LINC00632: variants seen among roughly 807,000 people sequenced by gnomAD.
LINC00632 encodes the protein ALDOA related specific transcript.
At chrX:140,760,926 T>A (rs1454036491) in intron 3 of LINC00632, among the ~76,000 whole-genome samples, 1 of 111,943 alleles carries the variant, frequency 8.9e-6, no homozygotes, top group Non-Finnish European at 1.9e-5. Flanking sequence ...AGGCTGTTCA[T>A]AAAGTCTAGC....
exon 5 of LINC00632, among the ~76,000 whole-genome samples, chrX:140,777,871 C>G (rs1464131249): frequency 8.9e-6 from 1 of 112,047 alleles, no homozygotes; most frequent in Non-Finnish European, 1.9e-5. Context: ...TTGAGAATAT[C>G]TAAACTTTTT....
At chrX:140,771,671 A>T (rs1931798171) in intron 3 of LINC00632, among the ~76,000 whole-genome samples, 2 of 26,772 alleles carry the variant, frequency 7.5e-5, no homozygotes, top group Non-Finnish European at 1.3e-4. Context: ...GTGTGTATAT[A>T]TATATATATA....
At chrX:140,780,195 G>GATT (rs1376198716) in exon 5 of LINC00632, among the ~76,000 whole-genome samples, 2 of 111,437 alleles carry the variant, frequency 1.8e-5, no homozygotes, top group East Asian at 2.8e-4. Flanking sequence ...AAATTGTTGT[G>GATT]ATTATTATTA....
intron 3 of LINC00632, among the ~76,000 whole-genome samples, chrX:140,770,887 T>C (rs1347297779): frequency 8.9e-6 from 1 of 112,060 alleles, no homozygotes; most frequent in Non-Finnish European, 1.9e-5. Flanking sequence ...ACAAAATAGA[T>C]AGTAATTATT....
intron 3 of LINC00632, among the ~76,000 whole-genome samples, chrX:140,746,380 C>T (rs1026605290): frequency 2.7e-5 from 3 of 112,009 alleles, no homozygotes; most frequent in Admixed American, 1.9e-4. Context: ...CCCCTTTCCC[C>T]GTTCCTCTAG....
chrX:140,778,853 C>T (rs989526080), exon 5 of LINC00632, among the ~76,000 whole-genome samples: 2 of 110,644 alleles, frequency 1.8e-5, no homozygotes, highest in Middle Eastern at 4.7e-3. Flanking sequence ...TTATCTAGGG[C>T]CCAGGTCATT....
intron 2 of LINC00632, among the ~76,000 whole-genome samples, chrX:140,732,344 A>G (rs1931072637): frequency 8.9e-6 from 1 of 112,253 alleles, no homozygotes; most frequent in Non-Finnish European, 1.9e-5. Flanking sequence ...CCCACACAGA[A>G]ATACCGAAGC....
chrX:140,786,143 T>A (rs1270084348), exon 5 of LINC00632, among the ~76,000 whole-genome samples: 2 of 112,110 alleles, frequency 1.8e-5, no homozygotes, highest in Non-Finnish European at 3.8e-5. Context: ...AGATTTAAAA[T>A]CCTCTATGTG....
exon 5 of LINC00632, among the ~76,000 whole-genome samples, chrX:140,785,172 GAAT>G (rs1219067031): frequency 1.1e-5 from 1 of 87,178 alleles, no homozygotes; most frequent in Non-Finnish European, 2.2e-5. Context: ...CATGACCAAA[GAAT>G]AATAATAATA....
intron 3 of LINC00632, among the ~76,000 whole-genome samples, chrX:140,753,592 G>A (rs1466714376): frequency 1.8e-5 from 2 of 109,537 alleles, no homozygotes; most frequent in South Asian, 3.9e-4. Context: ...AAAATATCCC[G>A]TTATTTTTTA....
In LINC00632 at chrX:140,736,320, A is replaced by G. The variant is rs1931141989; in HGVS notation, n.191+2356A>G. Reference sequence around the variant, plus strand: ...ATATGTATGTATGTGTTTTTAGAACATTGGAGTTGAATTTCTTGGAATAAT... The same window carrying G: ...ATATGTATGTATGTGTTTTTAGAACGTTGGAGTTGAATTTCTTGGAATAAT... On this transcript the variant is annotated intron_variant and non_coding_transcript_variant, in intron 3 of 4. Transcript: ENST00000648200. Among the ~76,000 whole-genome samples, 4 of 111,042 alleles carry G rather than the reference A, an allele frequency of 3.6e-5. No individual in the cohort carries two copies. In the South Asian group the frequency reaches 1.5e-3, roughly 42 times the overall value.
intron 3 of LINC00632, among the ~76,000 whole-genome samples, chrX:140,755,457 CTT>C (rs1185678367): frequency 8.9e-6 from 1 of 112,200 alleles, no homozygotes; most frequent in Non-Finnish European, 1.9e-5. Flanking sequence ...GGGTAAGTAA[CTT>C]AACTTCTCTG....
At chrX:140,727,495 G>T (rs1930982729) in intron 2 of LINC00632, among the ~76,000 whole-genome samples, 1 of 111,093 alleles carries the variant, frequency 9.0e-6, no homozygotes, top group African/African-American at 3.3e-5. Flanking sequence ...GTTTCACCAT[G>T]TTGGCCAGGC....
At chrX:140,784,147 C>T (rs747835490) in exon 5 of LINC00632, 2 of 1,209,158 alleles carry the variant, frequency 1.7e-6, no homozygotes, top group African/African-American at 3.5e-5. Flanking sequence ...TCCCTCAAAT[C>T]CATAGCTTCC....
intron 2 of LINC00632, among the ~76,000 whole-genome samples, chrX:140,722,068 C>T (rs1930736652): frequency 9.0e-6 from 1 of 111,293 alleles, no homozygotes; most frequent in Non-Finnish European, 1.9e-5. Context: ...CCACAAAAAG[C>T]ATCTTTTTGC....
chrX:140,743,343 C>T (rs1931273022), intron 3 of LINC00632, among the ~76,000 whole-genome samples: 1 of 104,453 alleles, frequency 9.6e-6, no homozygotes, highest in East Asian at 3.0e-4. Context: ...AGATGAGAGA[C>T]GGAGAAGTAA....
chrX:140,780,905 C>G (rs903910634), exon 5 of LINC00632, among the ~76,000 whole-genome samples: 3 of 110,523 alleles, frequency 2.7e-5, no homozygotes, highest in Admixed American at 9.8e-5. Flanking sequence ...ACATCCCAAC[C>G]CTTTAAGTGT....
intron 3 of LINC00632, among the ~76,000 whole-genome samples, chrX:140,740,032 C>A (rs58700277): frequency 0.024 from 2,660 of 111,583 alleles, 80 homozygotes; most frequent in African/African-American, 0.083. Flanking sequence ...TATACATCTC[C>A]TCATAATTGG....
chrX:140,711,990 A>G (rs1156898288), intron 2 of LINC00632: 1 of 111,666 alleles, frequency 9.0e-6, no homozygotes, highest in African/African-American at 3.3e-5. Flanking sequence ...TCCCCCTAAT[A>G]GGTCACCGAT....
Sources: allele counts gnomAD v4.1 joint callset (sites outside exome capture counted in the v4.1 genomes callset), GRCh38; gene constraint gnomAD v4.1.1; transcripts MANE v1.5; gene names NCBI Gene and HGNC (gene_info 2026-07-23, HGNC 2026-07-21).